Variants in DCC observed in about 807,000 individuals in gnomAD.
The protein encoded by DCC is netrin receptor DCC.
DCC carries 58 observed loss-of-function variants against 172.5 expected under a neutral mutation model. That is an observed-to-expected ratio of 0.34 (90% confidence interval 0.27 to 0.42). The LOEUF is 0.42. Ranked by LOEUF, DCC falls within the 10% of genes least tolerant of loss-of-function variation. The probability of loss-of-function intolerance (pLI) is 1.00; values close to 1 mark genes in which losing one functional copy is unlikely to be tolerated. For synonymous variants in DCC, 709 were observed against 644.5 expected (o/e 1.10, Z -1.52); for missense variants, 1,740 against 1,791.0 (o/e 0.97, Z 0.51).
At chr18:53,208,773 A>G (rs929615187) in intron 11 of DCC, among the ~76,000 whole-genome samples, 20 of 152,128 alleles carry the variant, frequency 1.3e-4, no homozygotes, top group African/African-American at 4.3e-4. Flanking sequence ...TCTGTCACCC[A>G]GGTTGGCATG....
intron 12 of DCC, among the ~76,000 whole-genome samples, chr18:53,271,140 A>T (rs896755580): frequency 1.3e-5 from 2 of 152,142 alleles, no homozygotes; most frequent in Non-Finnish European, 2.9e-5. Context: ...CCTATATAAT[A>T]CTAGAGTGTT....
rs1424885142 is a variant in DCC at position 53,459,420 on chromosome 18, C to A, written c.3581C>A (p.Ser1194Ter). ...CTCACACCAGTCAGCCACAGCCAGTCAGAAACCCAACTGGGAAGCAAAAGC... is the reference window on the plus strand; with the variant it reads ...CTCACACCAGTCAGCCACAGCCAGTAAGAAACCCAACTGGGAAGCAAAAGC... ...QDLTPVSHSQ[S>*]ETQLGSKSTS... Residue 1194 changes from serine (S) to a stop codon, truncating the protein, a stop_gained, in exon 24 of 29, where the codon TCA becomes TAA. Coordinates refer to ENST00000442544, the MANE Select transcript of DCC (RefSeq NM_005215.4). LOFTEE classifies it high-confidence loss of function. 1 of 1,613,802 alleles carries A rather than the reference C, an allele frequency of 6.2e-7. No homozygotes were observed. Among genetic ancestry groups the A allele is most frequent in the Admixed American group, 1.7e-5 (1 of 60,018 alleles).
intron 5 of DCC, among the ~76,000 whole-genome samples, chr18:52,969,584 A>ACT (rs56024197): frequency 0.051 from 6,060 of 119,092 alleles, 253 homozygotes; most frequent in Admixed American, 0.11. Context: ...CCCGCCCCCC[A>ACT]CTCTCTCTCT....
chr18:52,962,256 T>C (rs1032871638), intron 5 of DCC, among the ~76,000 whole-genome samples: 18 of 151,538 alleles, frequency 1.2e-4, no homozygotes, highest in African/African-American at 4.4e-4. Flanking sequence ...TCAAACAAAT[T>C]TACAAGAAAA....
intron 2 of DCC, among the ~76,000 whole-genome samples, chr18:52,845,226 A>G (rs970370322): frequency 1.3e-5 from 2 of 152,224 alleles, no homozygotes; most frequent in African/African-American, 2.4e-5. Flanking sequence ...AAAAGGCAAT[A>G]CATCTTAAAG....
intron 2 of DCC, among the ~76,000 whole-genome samples, chr18:52,786,366 C>T (rs1752076487): frequency 6.6e-6 from 1 of 151,786 alleles, no homozygotes; most frequent in African/African-American, 2.4e-5. Flanking sequence ...AAAATGTAGG[C>T]AAAAAAACTT....
At chr18:52,806,975 A>G (rs1196871369) in intron 2 of DCC, among the ~76,000 whole-genome samples, 1 of 152,154 alleles carries the variant, frequency 6.6e-6, no homozygotes, top group East Asian at 1.9e-4. Context: ...CAGGTGGATC[A>G]TGAGGTCAAG....
At chr18:52,866,720 G>T (rs957667732) in intron 2 of DCC, among the ~76,000 whole-genome samples, 1 of 152,094 alleles carries the variant, frequency 6.6e-6, no homozygotes, top group Non-Finnish European at 1.5e-5. Flanking sequence ...TATGATTTTC[G>T]CACATTGATT....
chr18:53,072,090 C>T (rs1047289286), intron 7 of DCC, among the ~76,000 whole-genome samples: 3 of 152,130 alleles, frequency 2.0e-5, no homozygotes, highest in Non-Finnish European at 4.4e-5. Flanking sequence ...GATCAAGCTA[C>T]TGAACTCCAG....
intron 9 of DCC, among the ~76,000 whole-genome samples, chr18:53,198,194 T>C (rs553402483): frequency 6.6e-6 from 1 of 152,190 alleles, no homozygotes; most frequent in Admixed American, 6.5e-5. Flanking sequence ...AGCTAATCCA[T>C]TGGCAGCTAA....
chr18:53,197,992 T>G (rs1255555267), intron 9 of DCC, among the ~76,000 whole-genome samples: 1 of 152,200 alleles, frequency 6.6e-6, no homozygotes, highest in African/African-American at 2.4e-5. Context: ...GAAATACCGA[T>G]GATTTGGAAA....
chr18:53,167,551 T>G (rs531795605), intron 8 of DCC, among the ~76,000 whole-genome samples: 2 of 152,288 alleles, frequency 1.3e-5, no homozygotes, highest in East Asian at 3.9e-4. Flanking sequence ...AAGGTCACAT[T>G]ATGTGGAGAT....
chr18:52,918,758 C>T (rs2040076620), intron 3 of DCC, among the ~76,000 whole-genome samples: 1 of 152,042 alleles, frequency 6.6e-6, no homozygotes, highest in Non-Finnish European at 1.5e-5. Flanking sequence ...AAAAATAAGG[C>T]AGATATCTAG....
intron 5 of DCC, among the ~76,000 whole-genome samples, chr18:52,982,175 G>A (rs1405071583): frequency 2.0e-5 from 3 of 152,026 alleles, no homozygotes; most frequent in African/African-American, 4.8e-5. Flanking sequence ...ATTTACAGAG[G>A]GAGGATAGAG....
intron 26 of DCC, among the ~76,000 whole-genome samples, chr18:53,498,526 G>C (rs1247797393): frequency 7.3e-6 from 1 of 136,300 alleles, no homozygotes; most frequent in Non-Finnish European, 1.6e-5. Context: ...AAACTTCCTT[G>C]AAAATATTTT....
chr18:52,733,559 A>G (rs975859582), intron 1 of DCC, among the ~76,000 whole-genome samples: 2 of 152,028 alleles, frequency 1.3e-5, no homozygotes, highest in African/African-American at 4.8e-5. Flanking sequence ...CAGTGGCATG[A>G]TCATAACACA....
At chr18:52,855,108 C>T (rs1289118526) in intron 2 of DCC, among the ~76,000 whole-genome samples, 1 of 152,218 alleles carries the variant, frequency 6.6e-6, no homozygotes, top group African/African-American at 2.4e-5. Flanking sequence ...ATAGGGAGCT[C>T]TTGTGTGAAT....
chr18:52,597,026 TC>T (rs2144809186), intron 1 of DCC, among the ~76,000 whole-genome samples: 1 of 152,296 alleles, frequency 6.6e-6, no homozygotes, highest in African/African-American at 2.4e-5. Context: ...ATTTTTTTTT[TC>T]CTGTTTTGTT....
intron 1 of DCC, among the ~76,000 whole-genome samples, chr18:52,368,395 A>T (rs1233731820): frequency 6.6e-6 from 1 of 152,168 alleles, no homozygotes; most frequent in Non-Finnish European, 1.5e-5. Context: ...AGACAAATTA[A>T]TTTTTAATCT....
Sources: allele counts gnomAD v4.1 joint callset (sites outside exome capture counted in the v4.1 genomes callset), GRCh38; gene constraint gnomAD v4.1.1; transcripts MANE v1.5; gene names NCBI Gene and HGNC (gene_info 2026-07-23, HGNC 2026-07-21).